The following CUL2 variants were observed in gnomAD, a reference collection of about 807,000 sequenced individuals.
The protein encoded by CUL2 is cullin 2.
In CUL2, 22 loss-of-function variants were observed where a neutral mutation model predicts 110.2. The ratio of observed to expected loss-of-function variants is 0.20; its 90% CI spans 0.14 to 0.28. CUL2 has a LOEUF of 0.28. CUL2 is among the 10% of genes least tolerant of loss of function. The pLI, the probability that CUL2 is intolerant of heterozygous loss-of-function variation, is 1.00. For synonymous variants in CUL2, 279 were observed against 293.2 expected (o/e 0.95, Z 0.49); for missense variants, 631 against 905.5 (o/e 0.70, Z 3.89).
At chr10:35,093,677 A>AAAAAG (rs1564751045), upstream of CUL2, among the ~76,000 whole-genome samples, 3 of 149,442 alleles carry the variant, frequency 2.0e-5, no homozygotes, top group Admixed American at 6.7e-5. Context: ...AAAAAAAAAA[A>AAAAAG]AAAAGAAAAG....
At chr10:35,076,060 T>TA (rs1417639387) in intron 1 of CUL2, among the ~76,000 whole-genome samples, 1 of 152,126 alleles carries the variant, frequency 6.6e-6, no homozygotes, top group African/African-American at 2.4e-5. Flanking sequence ...TAAAATGCAA[T>TA]ATAGCCATAC....
At chr10:35,057,986 T>C (rs1179554464) in intron 4 of CUL2, among the ~76,000 whole-genome samples, 1 of 151,894 alleles carries the variant, frequency 6.6e-6, no homozygotes, top group African/African-American at 2.4e-5. Context: ...TAATCCCAGC[T>C]ACTCAGGAGG....
At chr10:35,114,870 G>A (rs2087573217) in intron 1 of CUL2, among the ~76,000 whole-genome samples, 1 of 152,040 alleles carries the variant, frequency 6.6e-6, no homozygotes, top group Non-Finnish European at 1.5e-5. Flanking sequence ...TGCTGCAGAA[G>A]AAAACATCAA....
intron 1 of CUL2, among the ~76,000 whole-genome samples, chr10:35,079,041 T>C (rs896918695): frequency 1.3e-5 from 2 of 152,192 alleles, no homozygotes; most frequent in Non-Finnish European, 2.9e-5. Flanking sequence ...TCCCCTGCCT[T>C]ATCCAAGGGG....
At chr10:35,105,406 A>G (rs1259427355) in intron 1 of CUL2, among the ~76,000 whole-genome samples, 1 of 150,966 alleles carries the variant, frequency 6.6e-6, no homozygotes, top group Non-Finnish European at 1.5e-5. Flanking sequence ...AGCCTGGGCG[A>G]CAGGGAGAGA....
At chr10:35,064,266 A>G (rs2086461725) in intron 2 of CUL2, 1 of 152,226 alleles carries the variant, frequency 6.6e-6, no homozygotes, top group South Asian at 2.1e-4. Context: ...GCAGATACAA[A>G]CTGGAAATAA....
intron 1 of CUL2, among the ~76,000 whole-genome samples, chr10:35,075,000 A>G (rs1390906179): frequency 6.6e-6 from 1 of 152,178 alleles, no homozygotes; most frequent in Non-Finnish European, 1.5e-5. Flanking sequence ...TCCTCTTATA[A>G]AATGGAATCA....
chr10:35,018,044 A>G (rs1292993701), intron 17 of CUL2, among the ~76,000 whole-genome samples: 1 of 150,476 alleles, frequency 6.6e-6, no homozygotes, highest in Non-Finnish European at 1.5e-5. Context: ...TAATCCCAGC[A>G]TTTTGGGAGG....
At chr10:35,124,052 T>TTA (rs1200050855) in intron 1 of CUL2, among the ~76,000 whole-genome samples, 2 of 152,150 alleles carry the variant, frequency 1.3e-5, no homozygotes, top group Non-Finnish European at 2.9e-5. Flanking sequence ...AGTGGCAGGC[T>TTA]TATGCCTGTA....
In CUL2 at chr10:35,008,680, TTA is replaced by T. The variant is rs1383876732; in HGVS notation, c.*1629_*1630del. On this transcript the variant is annotated 3_prime_UTR_variant, in exon 21 of 21. Coordinates refer to ENST00000374749, the MANE Select transcript of CUL2 (RefSeq NM_003591.4). Reference sequence around the variant, plus strand: ...GAAGAAAGGTAAAATGAGAAATACATTATATAAGTCATTATAAGTTCAGTAGA... The same window carrying T: ...GAAGAAAGGTAAAATGAGAAATACATTATAAGTCATTATAAGTTCAGTAGA... 3 of 152,156 alleles carry T rather than the reference TTA, an allele frequency of 2.0e-5. No homozygotes were observed. Among genetic ancestry groups the T allele is most frequent in the Admixed American group, 2.0e-4 (3 of 15,262 alleles). 9.4% of individuals were successfully genotyped at this position (152,156 alleles called of 1,614,324 possible). A position where few individuals can be genotyped will look rare whatever the true frequency, so the allele number is the denominator to read the frequency against.
At chr10:35,043,518 T>A in intron 8 of CUL2, among the ~76,000 whole-genome samples, 1 of 152,180 alleles carries the variant, frequency 6.6e-6, no homozygotes, top group African/African-American at 2.4e-5. Flanking sequence ...CTTTGTGACT[T>A]GTGGCCTAGG....
chr10:35,102,082 A>G (rs2087387762), intron 1 of CUL2, among the ~76,000 whole-genome samples: 3 of 152,014 alleles, frequency 2.0e-5, no homozygotes, highest in Admixed American at 6.6e-5. Flanking sequence ...TCTACCAAAA[A>G]TACAAAAATT....
intron 1 of CUL2, among the ~76,000 whole-genome samples, chr10:35,102,904 TAAG>T (rs1354962187): frequency 6.6e-6 from 1 of 151,756 alleles, no homozygotes. Flanking sequence ...AAAAAAATTT[TAAG>T]AAGAAACAAC....
At chr10:35,082,333 G>A (rs2086963225) in intron 1 of CUL2, among the ~76,000 whole-genome samples, 1 of 152,158 alleles carries the variant, frequency 6.6e-6, no homozygotes, top group African/African-American at 2.4e-5. Context: ...TTAAACAAAA[G>A]TATGTATGTG....
chr10:35,025,051 G>T, intron 17 of CUL2, 81 bp downstream of exon 17: 1 of 1,381,568 alleles, frequency 7.2e-7, no homozygotes, highest in Non-Finnish European at 9.4e-7. Flanking sequence ...AACTGTAATT[G>T]GGCCATAGAA....
intron 1 of CUL2, among the ~76,000 whole-genome samples, chr10:35,124,490 G>T (rs143148255): frequency 1.3e-5 from 2 of 152,142 alleles, no homozygotes; most frequent in East Asian, 3.9e-4. Context: ...CAAACAAATG[G>T]GTGGTGAAGA....
At chr10:35,107,790 G>C (rs953976909) in intron 1 of CUL2, among the ~76,000 whole-genome samples, 1 of 146,702 alleles carries the variant, frequency 6.8e-6, no homozygotes, top group African/African-American at 2.5e-5. Context: ...GCTGAGGCAG[G>C]AGACTGGCAT....
chr10:35,034,871 C>T (rs1008841844), intron 10 of CUL2, among the ~76,000 whole-genome samples: 2 of 152,138 alleles, frequency 1.3e-5, no homozygotes, highest in African/African-American at 4.8e-5. Context: ...GTTATCAATG[C>T]CAATTACACA....
intron 6 of CUL2, among the ~76,000 whole-genome samples, 174 bp downstream of exon 6, chr10:35,049,500 AAAGAAGAAG>A (rs10539398): frequency 3.3e-5 from 5 of 151,264 alleles, no homozygotes; most frequent in African/African-American, 1.2e-4. Flanking sequence ...AAAAAAAAAG[AAAGAAGAAG>A]AAGAAGAAGA....
Sources: gnomAD v4.1 joint callset for allele counts (sites outside exome capture counted in the v4.1 genomes callset) on GRCh38, gnomAD v4.1.1 for gene constraint, MANE v1.5 for transcripts, NCBI Gene and HGNC (gene_info 2026-07-23, HGNC 2026-07-21) for gene names.